The following PBX1 variants were observed in gnomAD, a reference collection of about 807,000 sequenced individuals.
PBX1 encodes the protein pre-B-cell leukemia transcription factor 1.
PBX1 carries 6 observed loss-of-function variants against 53.4 expected under a neutral mutation model. That is an observed-to-expected ratio of 0.11 (90% CI 0.06 to 0.22). The LOEUF (loss-of-function observed/expected upper bound fraction) is 0.22. Among genes scored for constraint, PBX1 ranks in the 10% least tolerant of loss-of-function variants. The pLI, the probability that PBX1 is intolerant of heterozygous loss-of-function variation, is 1.00. For missense variants in PBX1, 251 were observed against 551.4 expected, an observed-to-expected ratio of 0.46 and a Z score of 5.46; for synonymous variants, 204 against 212.3, an observed-to-expected ratio of 0.96 and a Z score of 0.34.
At chr1:164,834,687 CT>C (rs1670946803) in intron 8 of PBX1, among the ~76,000 whole-genome samples, 1 of 152,204 alleles carries the variant, frequency 6.6e-6, no homozygotes, top group East Asian at 1.9e-4. Context: ...TATTAACACT[CT>C]TCACAGGTTA....
chr1:164,713,303 A>G (rs1322739799), intron 2 of PBX1, among the ~76,000 whole-genome samples: 1 of 152,200 alleles, frequency 6.6e-6, no homozygotes, highest in Non-Finnish European at 1.5e-5. Context: ...GACCTCCAAC[A>G]TGGCTCTCCA....
intron 2 of PBX1, among the ~76,000 whole-genome samples, chr1:164,619,781 T>C (rs796696428): frequency 6.6e-6 from 1 of 152,290 alleles, no homozygotes; most frequent in Admixed American, 6.5e-5. Context: ...AAAAATCCTG[T>C]TTTTAGATCC....
intron 2 of PBX1, among the ~76,000 whole-genome samples, chr1:164,591,159 G>A (rs1557878132): frequency 6.6e-6 from 1 of 152,052 alleles, no homozygotes; most frequent in Non-Finnish European, 1.5e-5. Flanking sequence ...CTACAGGCAT[G>A]TGTCACCATG....
intron 2 of PBX1, among the ~76,000 whole-genome samples, chr1:164,714,621 A>G (rs1663985948): frequency 6.6e-6 from 1 of 152,242 alleles, no homozygotes; most frequent in Non-Finnish European, 1.5e-5. Flanking sequence ...TAGCTTCCAT[A>G]TTCCTTTAGG....
intron 2 of PBX1, among the ~76,000 whole-genome samples, chr1:164,788,430 A>G (rs1221448557): frequency 6.7e-6 from 1 of 150,354 alleles, no homozygotes; most frequent in Non-Finnish European, 1.5e-5. Flanking sequence ...TTTGTGTATC[A>G]GTGAATCCCA....
rs563366151 is a variant in PBX1 at position 164,785,724 on chromosome 1, G to A, written c.266-6770G>A. 3.9e-5 allele frequency among the ~76,000 whole-genome samples: 6 copies of A among 152,288 alleles called. No homozygotes were observed. In the South Asian group the frequency reaches 1.0e-3, roughly 26 times the overall value. On this transcript the variant is annotated intron_variant, in intron 2 of 8. Transcript: ENST00000420696. The stretch of plus-strand genomic sequence containing the variant: ...CTGTCACCTTGGAGGTACTTGAGCA[G>A]TAATTTGTTTGATTGCACTGAGCGT...
intron 2 of PBX1, among the ~76,000 whole-genome samples, chr1:164,593,813 G>T (rs1655573547): frequency 6.6e-6 from 1 of 152,080 alleles, no homozygotes; most frequent in South Asian, 2.1e-4. Context: ...TATTATCTCC[G>T]TTTCTTCCGT....
At chr1:164,566,638 A>G (rs973664265) in intron 2 of PBX1, among the ~76,000 whole-genome samples, 1 of 152,226 alleles carries the variant, frequency 6.6e-6, no homozygotes, top group African/African-American at 2.4e-5. Context: ...GAAAAAGTCA[A>G]GCATATTACA....
At chr1:164,620,020 C>T (rs1174042878) in intron 2 of PBX1, among the ~76,000 whole-genome samples, 1 of 151,960 alleles carries the variant, frequency 6.6e-6, no homozygotes, top group East Asian at 1.9e-4. Context: ...TAGTGAGACC[C>T]TGTTTCTACA....
intron 2 of PBX1, chr1:164,770,666 G>A (rs1279008198): frequency 1.3e-5 from 2 of 152,062 alleles, no homozygotes; most frequent in African/African-American, 2.4e-5. Context: ...TTGTACTGGC[G>A]GCTCAGAGAA....
At position 164,741,739 on chromosome 1, in the gene PBX1, A is replaced by AGTGTGTGTGTGTGT. The variant is rs57771496; in HGVS notation, c.266-50732_266-50719dup. On this transcript the variant is annotated intron_variant, in intron 2 of 8. Coordinates refer to ENST00000420696, the MANE Select transcript of PBX1 (RefSeq NM_002585.4). ...AGGTTGGAGTGAGCATGTATGAGTGAGTGTGTGTGTGTGTGTGTGTGTGTG... is the reference window on the plus strand; with the variant it reads ...AGGTTGGAGTGAGCATGTATGAGTGAGTGTGTGTGTGTGTGTGTGTGTGTGTGTGTGTGTGTGTG... Among the ~76,000 whole-genome samples, 595 of 140,880 alleles carry AGTGTGTGTGTGTGT rather than the reference A, an allele frequency of 4.2e-3. 3 individuals are homozygous for AGTGTGTGTGTGTGT. The highest frequency in any genetic ancestry group is 0.012 in the South Asian group (50 of 4,136). 92.4% of individuals were successfully genotyped at this position (140,880 alleles called of 152,430 possible).
chr1:164,870,309 C>G (rs1439934795), intron 2 of PBX1, among the ~76,000 whole-genome samples: 1 of 75,764 alleles, frequency 1.3e-5, no homozygotes, highest in Non-Finnish European at 2.6e-5. Context: ...TTCTTTCTTT[C>G]TTTCTTTCTT....
At chr1:164,685,855 CAGTG>C (rs1261126765) in intron 2 of PBX1, among the ~76,000 whole-genome samples, 1 of 152,206 alleles carries the variant, frequency 6.6e-6, no homozygotes, top group Admixed American at 6.5e-5. Flanking sequence ...GCCCTCCTGG[CAGTG>C]AGAGTTCAGG....
At chr1:164,880,382 G>A (rs778128561) in intron 2 of PBX1, among the ~76,000 whole-genome samples, 9 of 152,206 alleles carry the variant, frequency 5.9e-5, no homozygotes, top group South Asian at 2.1e-4. Flanking sequence ...ACATTATATC[G>A]TGCTACAGCA....
At position 164,761,475 on chromosome 1, in the gene PBX1, C is replaced by T. The variant is rs1052536723; in HGVS notation, c.266-31019C>T. The stretch of plus-strand genomic sequence containing the variant: ...CTTTTTTTTTTTTGAGACGGAGTTT[C>T]GCTCTGTCGCCCAGGCTGGAGTGCA... On this transcript the variant is annotated intron_variant, in intron 2 of 8. Coordinates refer to ENST00000420696, the MANE Select transcript of PBX1 (RefSeq NM_002585.4). Among the ~76,000 whole-genome samples, 8 of 150,782 alleles carry T rather than the reference C, an allele frequency of 5.3e-5. 1 individual carries two copies. Among genetic ancestry groups the T allele is most frequent in the South Asian group, 4.2e-4 (2 of 4,788 alleles).
intron 2 of PBX1, among the ~76,000 whole-genome samples, chr1:164,875,892 T>A (rs1022102869): frequency 1.3e-5 from 2 of 151,578 alleles, no homozygotes; most frequent in Non-Finnish European, 2.9e-5. Context: ...AAGTAATGCT[T>A]ATTTGTATTC....
At chr1:164,683,863 G>T (rs897249229) in intron 2 of PBX1, 2 of 151,798 alleles carry the variant, frequency 1.3e-5, no homozygotes, top group African/African-American at 4.8e-5. Flanking sequence ...TTATCACCCA[G>T]GCTGGAGTGG....
chr1:164,628,243 T>C (rs1487528357), intron 2 of PBX1, among the ~76,000 whole-genome samples: 1 of 152,252 alleles, frequency 6.6e-6, no homozygotes, highest in Non-Finnish European at 1.5e-5. Flanking sequence ...TGTAGTCATC[T>C]AATGAGACTA....
chr1:164,684,222 C>T (rs1307806494), intron 2 of PBX1: 2 of 152,130 alleles, frequency 1.3e-5, no homozygotes, highest in South Asian at 2.1e-4. Context: ...TCCTTAAGCT[C>T]AAGGGTCTTG....
Sources: allele counts gnomAD v4.1 joint callset (sites outside exome capture counted in the v4.1 genomes callset), GRCh38; gene constraint gnomAD v4.1.1; transcripts MANE v1.5; gene names NCBI Gene and HGNC (gene_info 2026-07-23, HGNC 2026-07-21).